Variants in DZIP1L observed in about 807,000 individuals in gnomAD.
DZIP1L encodes cilium assembly protein DZIP1L.
In DZIP1L, 90 loss-of-function variants were observed where a neutral mutation model predicts 88.7. The ratio of observed to expected loss-of-function variants is 1.02; its 90% CI spans 0.86 to 1.21. DZIP1L has a LOEUF of 1.21. Ranked by LOEUF, DZIP1L falls within the 50% of genes most tolerant of loss-of-function variation. The pLI is 0.00. For missense variants in DZIP1L, 932 were observed against 955.8 expected, an observed-to-expected ratio of 0.98 and a Z score of 0.33; for synonymous variants, 363 against 372.1, an observed-to-expected ratio of 0.98 and a Z score of 0.28.
chr3:138,080,447 A>G (rs1239892247), intron 10 of DZIP1L, 120 bp downstream of exon 10: 4 of 1,033,186 alleles, frequency 3.9e-6, no homozygotes, highest in Non-Finnish European at 5.9e-6. Flanking sequence ...TCATGTCCTT[A>G]GATCCCTCCA....
At chr3:138,105,246 A>T (rs1022986218) in intron 1 of DZIP1L, among the ~76,000 whole-genome samples, 2 of 152,038 alleles carry the variant, frequency 1.3e-5, no homozygotes, top group African/African-American at 2.4e-5. Flanking sequence ...CTATGAGAGG[A>T]GGGAGGGAAA....
chr3:138,097,632 A>C (rs1305491493), intron 3 of DZIP1L, 131 bp downstream of exon 3: 3 of 808,338 alleles, frequency 3.7e-6, no homozygotes, highest in Non-Finnish European at 5.8e-6. Flanking sequence ...TGGTGGGATC[A>C]TCCCATCCCC....
chr3:138,110,042 C>G (rs576662474), intron 1 of DZIP1L, among the ~76,000 whole-genome samples: 1 of 152,274 alleles, frequency 6.6e-6, no homozygotes, highest in Admixed American at 6.5e-5. Context: ...ATGTAACAAA[C>G]ATGCACGTTC....
chr3:138,096,119 G>A (rs1040552017), intron 3 of DZIP1L, among the ~76,000 whole-genome samples: 4 of 152,158 alleles, frequency 2.6e-5, no homozygotes, highest in Non-Finnish European at 4.4e-5. Flanking sequence ...TTTAGTTGCA[G>A]TAGAAATTAA....
intron 6 of DZIP1L, 120 bp from the exon 7 acceptor site, chr3:138,087,143 G>A: frequency 1.3e-6 from 1 of 799,370 alleles, no homozygotes; most frequent in Non-Finnish European, 2.0e-6. Context: ...GAATAGAATA[G>A]AAAATCCAGA....
rs1000973603 is a variant in DZIP1L at position 138,088,402 on chromosome 3, G to T, written c.976C>A (p.Leu326Met). The change falls in exon 6 of 16, where the codon CTG becomes ATG. Residue 326 changes from leucine (L) to methionine (M), a missense_variant. By Grantham distance (15) the Leu-to-Met change is conservative. Transcript: ENST00000327532. ...ACCTGAATTTCTGTCTTCTCTCTCA[G>T]GGCCTGAAGCTCCCGTGCCTGCCGA... ...WLRQARELQA[L>M]REKTEIQKTE... The T allele has an allele frequency of 6.2e-7, 1 of 1,613,124 alleles. No individual in the cohort carries two copies. Among genetic ancestry groups the T allele is most frequent in the Non-Finnish European group, 8.5e-7 (1 of 1,179,636 alleles).
In DZIP1L at chr3:138,101,677, T is replaced by C. The variant is rs913901568; in HGVS notation, c.501+1794A>G. ...ATAGGCCGAGCTCAGACCACCTGCA[T>C]AGCCGCTGGTGGTCTTTGTATGGAT... On this transcript the variant is annotated intron_variant, in intron 2 of 15. Transcript: ENST00000327532. The C allele has an allele frequency of 2.8e-5, 22 of 799,376 alleles. 1 individual carries two copies. Among genetic ancestry groups the C allele is most frequent in the African/African-American group, 8.4e-5 (5 of 59,700 alleles). 49.5% of individuals were successfully genotyped at this position (799,376 alleles called of 1,614,324 possible). A position where few individuals can be genotyped will look rare whatever the true frequency, so the allele number is the denominator to read the frequency against.
At chr3:138,076,192 C>T (rs1943399028) in intron 11 of DZIP1L, among the ~76,000 whole-genome samples, 1 of 152,016 alleles carries the variant, frequency 6.6e-6, no homozygotes. Flanking sequence ...CAGGAAAATG[C>T]AAATCAAAAC....
At position 138,063,008 on chromosome 3, in the gene DZIP1L, A is replaced by G. The variant is rs1292320429; in HGVS notation, c.2143-31T>C. ...GGGGGTAAAGGGGAGAAGAAAATGC[A>G]TTTTGATAAGGGAGGAGGGTGGCTG... On this transcript the variant is annotated intron_variant, in intron 15 of 15. Transcript: ENST00000327532. This position sits in a 1 kb window ranked among gnomAD's most constrained non-coding sequence, Gnocchi z 4.1. 2 of 1,610,076 alleles carry G rather than the reference A, an allele frequency of 1.2e-6. No homozygotes were observed. The highest frequency in any genetic ancestry group is 8.5e-7 in the Non-Finnish European group (1 of 1,178,786).
At chr3:138,080,734 A>G in intron 9 of DZIP1L, 114 bp from the exon 10 acceptor site, 1 of 1,045,094 alleles carries the variant, frequency 9.6e-7, no homozygotes, top group Non-Finnish European at 1.4e-6. Context: ...CCCTCCAGTC[A>G]GTGCATCTTG....
At chr3:138,111,600 C>T (rs2042621342) in intron 1 of DZIP1L, among the ~76,000 whole-genome samples, 1 of 152,314 alleles carries the variant, frequency 6.6e-6, no homozygotes, top group African/African-American at 2.4e-5. Context: ...AATTAGGGGT[C>T]TGAGTTCATG....
intron 10 of DZIP1L, among the ~76,000 whole-genome samples, chr3:138,080,012 T>A (rs1278871013): frequency 1.3e-5 from 2 of 152,128 alleles, no homozygotes; most frequent in Non-Finnish European, 2.9e-5. Flanking sequence ...TTCTTTTGCA[T>A]CCCTTGGCTA....
chr3:138,080,863 G>A (rs529632735), intron 9 of DZIP1L, among the ~76,000 whole-genome samples: 2 of 152,180 alleles, frequency 1.3e-5, no homozygotes, highest in Non-Finnish European at 2.9e-5. Flanking sequence ...TCTAAGCCTG[G>A]GTTTCCCCAT....
chr3:138,099,812 G>GC (rs906062072), intron 2 of DZIP1L, among the ~76,000 whole-genome samples: 1 of 152,160 alleles, frequency 6.6e-6, no homozygotes, highest in African/African-American at 2.4e-5. Context: ...AGTGAAAGCA[G>GC]CCAGAGGCCC....
intron 11 of DZIP1L, among the ~76,000 whole-genome samples, chr3:138,074,982 C>G (rs1202396225): frequency 3.9e-5 from 6 of 152,068 alleles, no homozygotes; most frequent in Non-Finnish European, 7.4e-5. Context: ...AAATGGATAC[C>G]AAAAGCGAGC....
intron 1 of DZIP1L, among the ~76,000 whole-genome samples, chr3:138,104,929 C>T (rs2042437564): frequency 6.6e-6 from 1 of 152,136 alleles, no homozygotes; most frequent in Non-Finnish European, 1.5e-5. Context: ...ATGCTACAAA[C>T]TCATATGTAC....
At position 138,062,780 on chromosome 3, in the gene DZIP1L, A is replaced by G. The variant is rs1576423821; in HGVS notation, c.*36T>C. 1.2e-6 allele frequency: 2 copies of G among 1,610,034 alleles called. No homozygotes were observed. The highest frequency in any genetic ancestry group is 4.5e-5 in the East Asian group (2 of 44,796). On this transcript the variant is annotated 3_prime_UTR_variant, in exon 16 of 16. Coordinates refer to ENST00000327532, the MANE Select transcript of DZIP1L (RefSeq NM_173543.3). ...AAGTGGACCTGAGCTGGCCCCAGCC[A>G]GGCTAACCCTCTAGCCAGCTAGCTT... is the stretch of plus-strand genomic sequence containing the variant.
intron 15 of DZIP1L, chr3:138,064,263 G>C (rs1182510804): frequency 1.1e-6 from 1 of 876,040 alleles, no homozygotes; most frequent in Non-Finnish European, 1.5e-6. Flanking sequence ...GTCCATGGCA[G>C]AGTGAGGGAC....
chr3:138,086,340 A>C (rs1943938529), intron 7 of DZIP1L, among the ~76,000 whole-genome samples: 1 of 152,012 alleles, frequency 6.6e-6, no homozygotes, highest in Non-Finnish European at 1.5e-5. Flanking sequence ...TCCCTACACC[A>C]GAGTGAGGAG....
Sources: allele counts gnomAD v4.1 joint callset (sites outside exome capture counted in the v4.1 genomes callset), GRCh38; gene constraint gnomAD v4.1.1; non-coding constraint Gnocchi (gnomAD v3.1); transcripts MANE v1.5; gene names NCBI Gene and HGNC (gene_info 2026-07-23, HGNC 2026-07-21).